The following TECPR2 variants were observed in gnomAD, a reference collection of about 807,000 sequenced individuals.
The protein encoded by TECPR2 is tectonin beta-propeller repeat-containing protein 2.
TECPR2 carries 65 observed loss-of-function variants against 138.1 expected under a neutral mutation model. That is an observed-to-expected ratio of 0.47 (90% CI 0.39 to 0.58). The LOEUF (loss-of-function observed/expected upper bound fraction) is 0.58. TECPR2 is among the 20% of genes least tolerant of loss of function. The pLI, the probability that TECPR2 is intolerant of heterozygous loss-of-function variation, is 0.00. For missense variants in TECPR2, 1,553 were observed against 1,824.5 expected (o/e 0.85, Z 2.71); for synonymous variants, 746 against 749.8 (o/e 0.99, Z 0.08).
At chr14:102,438,227 T>C (rs1595126146) in intron 10 of TECPR2, 22 bp downstream of exon 10, 1 of 865,542 alleles carries the variant, frequency 1.2e-6, no homozygotes, top group Non-Finnish European at 1.7e-6. Flanking sequence ...CGCTCCCTGC[T>C]CCCGCTCCCT....
intron 4 of TECPR2, among the ~76,000 whole-genome samples, chr14:102,409,069 C>G (rs909671603): frequency 2.6e-5 from 4 of 152,148 alleles, no homozygotes; most frequent in African/African-American, 9.7e-5. Context: ...AACTGGAGTG[C>G]CAAGAGATCC....
At chr14:102,382,072 T>C (rs565612613) in intron 2 of TECPR2, among the ~76,000 whole-genome samples, 1 of 152,232 alleles carries the variant, frequency 6.6e-6, no homozygotes, top group African/African-American at 2.4e-5. Context: ...GGCGGGTGGA[T>C]CACGAGGTCA....
At position 102,465,132 on chromosome 14, in the gene TECPR2, T is replaced by C. The variant is rs781116239; in HGVS notation, c.3641-9T>C. ...TAATTATAGTGTGTGTACTTTTCTT[T>C]ATCTACAGGAGCTGTAAAATTGACA... On this transcript the variant is annotated splice_polypyrimidine_tract_variant and intron_variant, in intron 16 of 19. Coordinates refer to ENST00000359520, the MANE Select transcript of TECPR2 (RefSeq NM_014844.5). 85 of 1,613,876 alleles carry C rather than the reference T, an allele frequency of 5.3e-5. No homozygotes were observed. Among genetic ancestry groups the C allele is most frequent in the Non-Finnish European group, 6.9e-5 (82 of 1,179,978 alleles).
intron 1 of TECPR2, among the ~76,000 whole-genome samples, chr14:102,369,938 G>C (rs566549565): frequency 6.6e-6 from 1 of 152,082 alleles, no homozygotes; most frequent in African/African-American, 2.4e-5. Context: ...CTGGGCGACA[G>C]AGTGAGACTC....
chr14:102,464,559 G>C (rs920886315), intron 16 of TECPR2, among the ~76,000 whole-genome samples: 4 of 151,974 alleles, frequency 2.6e-5, no homozygotes, highest in African/African-American at 9.7e-5. Flanking sequence ...TAATTTCTGT[G>C]TATTTTGTAG....
intron 19 of TECPR2, 65 bp downstream of exon 19, chr14:102,497,784 C>A: frequency 6.7e-7 from 1 of 1,486,600 alleles, no homozygotes; most frequent in South Asian, 1.3e-5. Context: ...TGGACGATGT[C>A]GGGGGGCTCT....
rs1891144738 is a variant in TECPR2, at chr14:102,490,892, T to G, written c.3790-6087T>G. Among the ~76,000 whole-genome samples the G allele has an allele frequency of 2.6e-5, 4 of 152,172 alleles. No homozygotes were observed. In the South Asian group the frequency reaches 8.3e-4, roughly 31 times the overall value. On this transcript the variant is annotated intron_variant, in intron 17 of 19. Transcript: ENST00000359520. ...CTAGTTCATATCTCTCCTCTTTTTT[T>G]GTTTTTTTGGGTTTTTTTTGAGACA...
At chr14:102,490,505 G>T (rs1033843045) in intron 17 of TECPR2, among the ~76,000 whole-genome samples, 2 of 152,200 alleles carry the variant, frequency 1.3e-5, no homozygotes, top group African/African-American at 4.8e-5. Flanking sequence ...TCAAGCGTTG[G>T]TTTTTTGTCT....
intron 1 of TECPR2, among the ~76,000 whole-genome samples, chr14:102,365,930 T>C (rs1377102275): frequency 6.6e-6 from 1 of 152,176 alleles, no homozygotes; most frequent in East Asian, 1.9e-4. Context: ...ACTGCCTCAG[T>C]CTCATTACGT....
At chr14:102,404,563 T>C (rs1567326325) in intron 2 of TECPR2, among the ~76,000 whole-genome samples, 1 of 150,474 alleles carries the variant, frequency 6.6e-6, no homozygotes, top group Non-Finnish European at 1.5e-5. Context: ...TAAACCCTCT[T>C]ATATAGTCAA....
intron 17 of TECPR2, among the ~76,000 whole-genome samples, chr14:102,475,416 A>G (rs1453765219): frequency 2.0e-5 from 3 of 152,118 alleles, no homozygotes; most frequent in Non-Finnish European, 4.4e-5. Flanking sequence ...TGGTCAGACC[A>G]TGTTTGAGGA....
At chr14:102,441,414 T>C (rs551716948) in intron 11 of TECPR2, among the ~76,000 whole-genome samples, 24 of 147,630 alleles carry the variant, frequency 1.6e-4, no homozygotes, top group South Asian at 4.7e-4. Context: ...TGGTGGCTCA[T>C]GCCTGTAATC....
At chr14:102,397,750 A>C (rs1265827307) in intron 2 of TECPR2, among the ~76,000 whole-genome samples, 2 of 151,606 alleles carry the variant, frequency 1.3e-5, no homozygotes, top group Non-Finnish European at 2.9e-5. Context: ...CCTTCTCTAA[A>C]TAAATAAATA....
At position 102,428,222 on chromosome 14, in the gene TECPR2, GTTTT is replaced by G. The variant is rs565236204; in HGVS notation, c.952-9_952-6del. On this transcript the variant is annotated intron_variant, in intron 6 of 19. Coordinates refer to ENST00000359520, the MANE Select transcript of TECPR2 (RefSeq NM_014844.5). The stretch of plus-strand genomic sequence containing the variant: ...ACCGTTGTTTAGTTTTGTGTTTTTT[GTTTT>G]TTTTTTTTTTTTTTTTTTGACAGGC... The G allele has an allele frequency of 4.1e-3, 4,290 of 1,048,580 alleles. No homozygotes were observed. The highest frequency in any genetic ancestry group is 6.5e-3 in the East Asian group (167 of 25,594). The allele number at this position is 1,048,580 out of a possible 1,614,324, so 65.0% of individuals were successfully genotyped here.
intron 12 of TECPR2, 106 bp from the exon 13 acceptor site, chr14:102,445,700 C>T (rs1339900796): frequency 7.0e-7 from 1 of 1,427,504 alleles, no homozygotes; most frequent in Non-Finnish European, 9.4e-7. Flanking sequence ...GGCCACGTCT[C>T]TTCTCCCAGC....
rs1424764745 is a variant in TECPR2, at chr14:102,449,769, G to T, written c.3216G>T (p.Gln1072His). ...ADKLRMAFWS[Q>H]QLQCQPSLLG... ...AGCTGCGCATGGCGTTTTGGTCCCA[G>T]CAGCTTCAGTGCCAGCCAAGCCTTC... is the stretch of plus-strand genomic sequence containing the variant. Residue 1072 changes from glutamine to histidine, a missense_variant, in exon 14 of 20, where the codon CAG becomes CAT. Physicochemically the swap from Gln to His is conservative, Grantham distance 24. Coordinates refer to ENST00000359520, the MANE Select transcript of TECPR2 (RefSeq NM_014844.5). The T allele has an allele frequency of 6.2e-7, 1 of 1,614,062 alleles. No homozygotes were observed. Among genetic ancestry groups the T allele is most frequent in the African/African-American group, 1.3e-5 (1 of 74,926 alleles).
At chr14:102,451,013 C>T (rs1232237701) in intron 15 of TECPR2, among the ~76,000 whole-genome samples, 1 of 152,258 alleles carries the variant, frequency 6.6e-6, no homozygotes, top group Admixed American at 6.5e-5. Context: ...CCTTCTGTCA[C>T]CTCCCAGCAA....
intron 11 of TECPR2, among the ~76,000 whole-genome samples, chr14:102,441,905 G>C (rs1292381597): frequency 6.6e-6 from 1 of 152,234 alleles, no homozygotes; most frequent in Non-Finnish European, 1.5e-5. Flanking sequence ...GTTATCGTCA[G>C]TTGTCCAGAG....
rs562186436 is a variant in TECPR2, at chr14:102,497,607, C to T, written c.3969C>T (p.Thr1323=). 2.4e-5 allele frequency: 38 copies of T among 1,608,252 alleles called. No homozygotes were observed. The highest frequency in any genetic ancestry group is 9.4e-5 in the African/African-American group (7 of 74,824). ...GCCAGCTGGCGCTGAGCACCAGGACCGTGTGGGCCCGCTGTCCAAACGGAG... is the reference window on the plus strand; with the variant it reads ...GCCAGCTGGCGCTGAGCACCAGGACTGTGTGGGCCCGCTGTCCAAACGGAG... The part of the protein sequence containing the change: ...QACQLALSTR[T]VWARCPNGDL... Residue 1323 remains threonine (T), a synonymous_variant, in exon 19 of 20, where the codon ACC becomes ACT. Transcript: ENST00000359520.
Sources: allele counts gnomAD v4.1 joint callset (sites outside exome capture counted in the v4.1 genomes callset), GRCh38; gene constraint gnomAD v4.1.1; transcripts MANE v1.5; gene names NCBI Gene and HGNC (gene_info 2026-07-23, HGNC 2026-07-21).